The following PTPRN2 variants were observed in gnomAD, a reference collection of about 807,000 sequenced individuals.
PTPRN2 encodes protein tyrosine phosphatase receptor type N2, also known as receptor-type tyrosine-protein phosphatase N2.
Under a neutral mutation model 118.8 loss-of-function variants are expected in PTPRN2, and 74 were observed. The ratio of observed to expected loss-of-function variants is 0.62; its 90% CI spans 0.52 to 0.76. The LOEUF is 0.76. PTPRN2 is among the 30% of genes least tolerant of loss of function. The pLI, the probability that PTPRN2 is intolerant of heterozygous loss-of-function variation, is 0.00. For synonymous variants in PTPRN2, 641 were observed against 608.0 expected (o/e 1.05, Z -0.80); for missense variants, 1,481 against 1,394.4 (o/e 1.06, Z -0.99).
At chr7:158,262,770 A>C (rs1797560677) in intron 3 of PTPRN2, among the ~76,000 whole-genome samples, 1 of 142,102 alleles carries the variant, frequency 7.0e-6, no homozygotes, top group African/African-American at 2.6e-5. Flanking sequence ...GCACACACAC[A>C]TTCACACACA....
intron 13 of PTPRN2, among the ~76,000 whole-genome samples, chr7:157,657,399 C>T (rs1373509231): frequency 9.7e-5 from 14 of 144,954 alleles, no homozygotes; most frequent in Admixed American, 1.4e-4. Flanking sequence ...ACACACACCA[C>T]ACACATCACA....
At chr7:157,841,289 A>G (rs1808400459) in intron 12 of PTPRN2, among the ~76,000 whole-genome samples, 1 of 152,214 alleles carries the variant, frequency 6.6e-6, no homozygotes, top group Non-Finnish European at 1.5e-5. Flanking sequence ...CACTGGCTGA[A>G]CATCGGTGAA....
rs1825829552 is a variant in PTPRN2, at chr7:158,192,320, G to A, written c.549+7C>T. The A allele has an allele frequency of 2.7e-6, 4 of 1,460,424 alleles. No homozygotes were observed. In the East Asian group the frequency reaches 8.3e-5, roughly 30 times the overall value. The allele number at this position is 1,460,424 out of a possible 1,614,324, so 90.5% of individuals were successfully genotyped here. A position where few individuals can be genotyped will look rare whatever the true frequency, so the allele number is the denominator to read the frequency against. ...ACCCCGGCCCGGGGAGGAAGTGGAA[G>A]GGTCACCTCAGCGGGGGGTCTGTCC... On this transcript the variant is annotated splice_region_variant and intron_variant, in intron 5 of 22. Coordinates refer to ENST00000389418, the MANE Select transcript of PTPRN2 (RefSeq NM_002847.5).
intron 12 of PTPRN2, among the ~76,000 whole-genome samples, chr7:157,753,043 G>A (rs1801575094): frequency 2.0e-5 from 3 of 152,216 alleles, no homozygotes; most frequent in South Asian, 4.1e-4. Flanking sequence ...TTCTCCAAGG[G>A]GCAGGAACTA....
Position 157,794,250 on chromosome 7 carries a change from TCACACCTCCCCTCGTTCTCTGCTCC to T in PTPRN2, c.1788+104398_1788+104422del, listed in dbSNP as rs1804719134. ...CCTCGTTCTCTGCTCCGACCCGGGC[TCACACCTCCCCTCGTTCTCTGCTCC>T]GACCCGGGCTCACACCTCCCCTCGT... On this transcript the variant is annotated intron_variant, in intron 12 of 22. Transcript: ENST00000389418. This position sits in a 1 kb window ranked among gnomAD's most constrained non-coding sequence, Gnocchi z 5.2. Among the ~76,000 whole-genome samples, 1 of 146,866 alleles carries T rather than the reference TCACACCTCCCCTCGTTCTCTGCTCC, an allele frequency of 6.8e-6. No homozygotes were observed.
intron 11 of PTPRN2, among the ~76,000 whole-genome samples, chr7:158,019,650 T>C (rs1415028171): frequency 6.6e-6 from 1 of 152,366 alleles, no homozygotes; most frequent in East Asian, 1.9e-4. Context: ...ACAAGACCTA[T>C]ATTGAGCAAA....
chr7:157,651,395 T>TA (rs1432901544), intron 14 of PTPRN2, among the ~76,000 whole-genome samples: 1 of 152,196 alleles, frequency 6.6e-6, no homozygotes, highest in Non-Finnish European at 1.5e-5. Flanking sequence ...GAGGATGGAT[T>TA]CTGAAAAGCA....
Position 157,995,438 on chromosome 7 carries a change from T to C in PTPRN2, c.1723+85860A>G, listed in dbSNP as rs73520898. ...ATCTGGTTTTATTTTCATCCAACTC[T>C]CTCCAGGCCTGCCTGTCACTCAGGG... On this transcript the variant is annotated intron_variant, in intron 11 of 22. Transcript: ENST00000389418. Among the ~76,000 whole-genome samples the C allele has an allele frequency of 6.0e-3, 909 of 152,342 alleles. 8 individuals carry two copies. The highest frequency in any genetic ancestry group is 0.02 in the African/African-American group (848 of 41,582).
At chr7:158,191,017 C>T (rs777261568) in intron 5 of PTPRN2, among the ~76,000 whole-genome samples, 3 of 152,254 alleles carry the variant, frequency 2.0e-5, no homozygotes, top group Non-Finnish European at 4.4e-5. Context: ...GAACGTGCCA[C>T]CTTGTGGGGC....
chr7:157,692,934 C>T (rs1040688149), intron 12 of PTPRN2, among the ~76,000 whole-genome samples: 2 of 152,080 alleles, frequency 1.3e-5, no homozygotes, highest in Non-Finnish European at 2.9e-5. Flanking sequence ...CAGGGACCTT[C>T]TCGGGCAAAG....
chr7:158,456,508 G>A (rs546597898), intron 2 of PTPRN2, among the ~76,000 whole-genome samples: 47 of 149,600 alleles, frequency 3.1e-4, no homozygotes, highest in Non-Finnish European at 5.6e-4. Context: ...ATAACGGCAC[G>A]GATGCCATCG....
At chr7:157,927,619 CG>C (rs1259058246) in intron 11 of PTPRN2, among the ~76,000 whole-genome samples, 3 of 114,394 alleles carry the variant, frequency 2.6e-5, no homozygotes, top group African/African-American at 4.0e-5. Context: ...GCTGGGACCC[CG>C]AAGACAGGAA....
At position 157,974,111 on chromosome 7, in the gene PTPRN2, C is replaced by T. The variant is rs142098518; in HGVS notation, c.1724-75374G>A. 6.2e-3 allele frequency among the ~76,000 whole-genome samples: 945 copies of T among 152,292 alleles called. 8 individuals are homozygous for T. The highest frequency in any genetic ancestry group is 0.022 in the African/African-American group (898 of 41,558). ...GAGCTGCCTGACTTGCACTGCTGGA[C>T]GGTGGGTTGGCGGTGTTGACGCTGC... On this transcript the variant is annotated intron_variant, in intron 11 of 22. Coordinates refer to ENST00000389418, the MANE Select transcript of PTPRN2 (RefSeq NM_002847.5). This position sits in a 1 kb window ranked among gnomAD's most constrained non-coding sequence, Gnocchi z 4.0.
intron 3 of PTPRN2, among the ~76,000 whole-genome samples, chr7:158,280,882 C>T (rs542583617): frequency 1.1e-4 from 17 of 152,210 alleles, no homozygotes; most frequent in Non-Finnish European, 2.1e-4. Flanking sequence ...CCAGAACCAG[C>T]ACGCTGTGAA....
chr7:157,792,969 G>C (rs1269923916), intron 12 of PTPRN2, among the ~76,000 whole-genome samples: 5 of 152,206 alleles, frequency 3.3e-5, no homozygotes, highest in African/African-American at 7.2e-5. Flanking sequence ...TGGAGGCAAG[G>C]GACCCCAGTT....
intron 11 of PTPRN2, among the ~76,000 whole-genome samples, chr7:158,006,013 G>T (rs4716876): frequency 0.88 from 133,314 of 152,210 alleles, 58,558 homozygotes; most frequent in African/African-American, 0.93. Context: ...CTGATGGAAA[G>T]GTGGTACTAG....
chr7:158,533,682 G>A (rs60574959), intron 1 of PTPRN2, among the ~76,000 whole-genome samples: 30,524 of 152,218 alleles, frequency 0.2, 3,621 homozygotes, highest in South Asian at 0.41. Flanking sequence ...GCACCGAGCC[G>A]TCAATCTTCC....
At chr7:158,143,735 A>T (rs908576686) in intron 6 of PTPRN2, among the ~76,000 whole-genome samples, 9 of 152,184 alleles carry the variant, frequency 5.9e-5, no homozygotes, top group African/African-American at 2.2e-4. Context: ...TGATGTCACG[A>T]TTCGCAGGAA....
At chr7:158,049,976 T>C (rs1425360214) in intron 11 of PTPRN2, among the ~76,000 whole-genome samples, 1 of 152,170 alleles carries the variant, frequency 6.6e-6, no homozygotes, top group East Asian at 1.9e-4. Flanking sequence ...TTACCTTTGG[T>C]TCCTGAAGGA....
Sources: gnomAD v4.1 joint callset for allele counts (sites outside exome capture counted in the v4.1 genomes callset) on GRCh38, gnomAD v4.1.1 for gene constraint, Gnocchi (gnomAD v3.1) non-coding constraint, MANE v1.5 for transcripts, NCBI Gene and HGNC (gene_info 2026-07-23, HGNC 2026-07-21) for gene names.